The following ADAM20 variants were observed in gnomAD, a reference collection of about 807,000 sequenced individuals.
ADAM20 encodes the protein disintegrin and metalloproteinase domain-containing protein 20.
For synonymous variants in ADAM20, 305 were observed against 310.2 expected (o/e 0.98, Z 0.18); for missense variants, 871 against 883.2 (o/e 0.99, Z 0.18).
At chr14:70,577,569 T>C in the ADAM20 span, among the ~76,000 whole-genome samples, 1 of 152,110 alleles carries the variant, frequency 6.6e-6, no homozygotes, top group Admixed American at 6.5e-5. Context: ...AGAAAAATGG[T>C]TGGCACAGAA....
chr14:70,525,146 T>C (rs776133127), intron 1 of ADAM20, among the ~76,000 whole-genome samples: 10 of 152,232 alleles, frequency 6.6e-5, no homozygotes, highest in Non-Finnish European at 1.3e-4. Context: ...AGATTCATTA[T>C]ATACTGTTCT....
chr14:70,522,827 C>G lies in ADAM20; in HGVS notation c.1931G>C (p.Gly644Ala). The G allele has an allele frequency of 6.2e-7, 1 of 1,614,028 alleles. No individual in the cohort carries two copies. The highest frequency in any genetic ancestry group is 1.1e-5 in the South Asian group (1 of 91,070). ...ACAGTGTTGTTTGTTGTTGCAGATT[C>G]CCCTCATGTTGCAGGTCTTAGGCTG... ...ACQPKTCNMR[G>A]ICNNKQHCHC... Residue 644 changes from glycine (G) to alanine (A), a missense_variant, in exon 2 of 2, where the codon GGA becomes GCA. Transcript: ENST00000256389.
At chr14:70,543,757 A>G in the ADAM20 span, among the ~76,000 whole-genome samples, 200 of 152,314 alleles carry the variant, frequency 1.3e-3, 2 homozygotes, top group South Asian at 7.9e-3. Flanking sequence ...TTACTCCTAC[A>G]GTCACTCTGA....
chr14:70,573,566 T>C, the ADAM20 span, among the ~76,000 whole-genome samples: 2 of 152,080 alleles, frequency 1.3e-5, no homozygotes, highest in Non-Finnish European at 2.9e-5. Flanking sequence ...CACCTGAATT[T>C]ATAATTTTTT....
the ADAM20 span, among the ~76,000 whole-genome samples, chr14:70,544,871 A>T: frequency 6.6e-5 from 10 of 152,162 alleles, no homozygotes; most frequent in Admixed American, 4.6e-4. Flanking sequence ...TTAAATTTTT[A>T]AAAAATATTT....
the ADAM20 span, among the ~76,000 whole-genome samples, chr14:70,544,614 T>C: frequency 6.6e-6 from 1 of 152,006 alleles, no homozygotes; most frequent in Non-Finnish European, 1.5e-5. Flanking sequence ...AAATAAAAAC[T>C]AAGAATGAAA....
At chr14:70,536,717 T>C (rs1883843906), upstream of ADAM20, among the ~76,000 whole-genome samples, 1 of 151,536 alleles carries the variant, frequency 6.6e-6, no homozygotes, top group Admixed American at 6.6e-5. Context: ...CCAGAAACAT[T>C]CCAACCATAA....
At chr14:70,527,352 T>C (rs1252057275) in intron 1 of ADAM20, among the ~76,000 whole-genome samples, 1 of 152,178 alleles carries the variant, frequency 6.6e-6, no homozygotes, top group Non-Finnish European at 1.5e-5. Flanking sequence ...ACTTGAAGAT[T>C]GACTCAACTG....
Position 70,522,836 on chromosome 14 carries a change from T to C in ADAM20, c.1922A>G (p.Asn641Ser). ...LSQACQPKTC[N>S]MRGICNNKQH... ...TTTGTTGTTGCAGATTCCCCTCATGTTGCAGGTCTTAGGCTGACAGGCTTG... is the reference window on the plus strand; with the variant it reads ...TTTGTTGTTGCAGATTCCCCTCATGCTGCAGGTCTTAGGCTGACAGGCTTG... Residue 641 changes from asparagine to serine, a missense_variant, in exon 2 of 2, where the codon AAC becomes AGC. Physicochemically the swap from Asn to Ser is conservative, Grantham distance 46. Coordinates refer to ENST00000256389, the MANE Select transcript of ADAM20 (RefSeq NM_003814.5). 1 of 1,614,096 alleles carries C rather than the reference T, an allele frequency of 6.2e-7. No individual in the cohort carries two copies. Among genetic ancestry groups the C allele is most frequent in the African/African-American group, 1.3e-5 (1 of 75,046 alleles).
the ADAM20 span, among the ~76,000 whole-genome samples, chr14:70,546,266 T>A: frequency 1.5e-4 from 23 of 152,266 alleles, no homozygotes; most frequent in African/African-American, 5.5e-4. Flanking sequence ...GAGACAGGTC[T>A]CAGTTAATTT....
rs1334964086 is a variant in ADAM20 at position 70,523,529 on chromosome 14, C to G, written c.1229G>C (p.Cys410Ser). 6.2e-7 allele frequency: 1 copy of G among 1,613,982 alleles called. No homozygotes were observed. The highest frequency in any genetic ancestry group is 1.3e-5 in the African/African-American group (1 of 74,932). Residue 410 changes from cysteine (C) to serine (S), a missense_variant, in exon 2 of 2, where the codon TGT becomes TCT. Transcript: ENST00000256389. ...CCCTTCTTCAACCACTAGATTCCCA[C>G]AGTACTTCAGTCTAAATATATTCCC... ...YPGNIFRLKYCGNLVVEEGEE... is the reference protein window; with the variant it reads ...YPGNIFRLKYSGNLVVEEGEE...
the ADAM20 span, among the ~76,000 whole-genome samples, chr14:70,544,315 T>G: frequency 6.6e-6 from 1 of 152,258 alleles, no homozygotes; most frequent in Admixed American, 6.5e-5. Context: ...TCATGTTTCT[T>G]TCCTTTTTAA....
At position 70,531,579 on chromosome 14, in the gene ADAM20, C is replaced by T. The variant is rs371088908; in HGVS notation, c.-177+3218G>A. 8.5e-4 allele frequency among the ~76,000 whole-genome samples: 129 copies of T among 152,142 alleles called. 1 individual carries two copies. The South Asian group carries it at 0.018, about 22-fold the overall frequency. On this transcript the variant is annotated intron_variant, in intron 1 of 1. Coordinates refer to ENST00000256389, the MANE Select transcript of ADAM20 (RefSeq NM_003814.5). ...GAAGAAGTAAAATGATCTATGTTCA[C>T]GGATGACTTGATCTGTAGAAAACTC...
chr14:70,571,314 G>A, the ADAM20 span, among the ~76,000 whole-genome samples: 1 of 152,164 alleles, frequency 6.6e-6, no homozygotes, highest in Non-Finnish European at 1.5e-5. Flanking sequence ...TGAATCATGG[G>A]GGTGGTTACC....
rs774760166 is a variant in ADAM20 at position 70,524,050 on chromosome 14, G to T, written c.708C>A (p.Asn236Lys). The T allele has an allele frequency of 6.2e-7, 1 of 1,613,778 alleles. No homozygotes were observed. The highest frequency in any genetic ancestry group is 8.5e-7 in the Non-Finnish European group (1 of 1,179,936). Residue 236 changes from asparagine (N) to lysine (K), a missense_variant, in exon 2 of 2, where the codon AAC (asparagine) becomes AAA (lysine). Transcript: ENST00000256389. ...NATTVQHEVF[N>K]VVNIVDSFYH... Reference sequence around the variant, plus strand: ...AGAAGGAATCCACTATATTGACAACGTTAAATACTTCATGCTGCACTGTTG... The same window carrying T: ...AGAAGGAATCCACTATATTGACAACTTTAAATACTTCATGCTGCACTGTTG...
chr14:70,532,370 T>TA (rs1018640773), intron 1 of ADAM20, among the ~76,000 whole-genome samples: 4 of 152,062 alleles, frequency 2.6e-5, no homozygotes, highest in African/African-American at 7.2e-5. Context: ...TATAAAACTT[T>TA]AAAAAAACAC....
the ADAM20 span, among the ~76,000 whole-genome samples, chr14:70,578,365 T>C: frequency 7.6e-3 from 1,151 of 152,174 alleles, 14 homozygotes; most frequent in African/African-American, 0.026. Flanking sequence ...AAGACTCAAA[T>C]GTAAGACCTC....
chr14:70,566,460 G>A, the ADAM20 span, among the ~76,000 whole-genome samples: 1 of 151,780 alleles, frequency 6.6e-6, no homozygotes, highest in East Asian at 1.9e-4. Flanking sequence ...AAAAATCAAA[G>A]CACAACACTA....
the ADAM20 span, among the ~76,000 whole-genome samples, chr14:70,562,742 G>A: frequency 6.6e-5 from 10 of 152,076 alleles, no homozygotes; most frequent in South Asian, 2.1e-4. Context: ...CTTCCCCTTC[G>A]CCTTCTGCCA....
Sources: allele counts gnomAD v4.1 joint callset (sites outside exome capture counted in the v4.1 genomes callset), GRCh38; gene constraint gnomAD v4.1.1; transcripts MANE v1.5; gene names NCBI Gene and HGNC (gene_info 2026-07-23, HGNC 2026-07-21).